Variants in SGSM1 observed in about 807,000 individuals in gnomAD.
SGSM1 encodes the protein small G protein signaling modulator 1, also known as RUN and TBC1 domain containing 2.
In SGSM1, 73 loss-of-function variants were observed where a neutral mutation model predicts 133.8. The observed-to-expected ratio is 0.55, with a 90% confidence interval of 0.45 to 0.66. SGSM1 has a LOEUF of 0.66. SGSM1 is among the 30% of genes least tolerant of loss of function. The pLI, the probability that SGSM1 is intolerant of heterozygous loss-of-function variation, is 0.00. For missense variants in SGSM1, 1,213 were observed against 1,448.1 expected, an observed-to-expected ratio of 0.84 and a Z score of 2.64; for synonymous variants, 563 against 573.0, an observed-to-expected ratio of 0.98 and a Z score of 0.25.
At chr22:24,870,880 C>G (rs1295458757) in intron 12 of SGSM1, among the ~76,000 whole-genome samples, 1 of 152,182 alleles carries the variant, frequency 6.6e-6, no homozygotes, top group Non-Finnish European at 1.5e-5. Flanking sequence ...GCACAGTTAC[C>G]TCTATTGGTA....
chr22:24,911,289 CTT>C (rs139761), intron 21 of SGSM1, among the ~76,000 whole-genome samples: 2,079 of 128,506 alleles, frequency 0.016, 41 homozygotes, highest in African/African-American at 0.055. Context: ...TAATTCCCCA[CTT>C]TTTTTTTTTT....
intron 21 of SGSM1, among the ~76,000 whole-genome samples, chr22:24,911,478 G>A (rs972845739): frequency 6.6e-6 from 1 of 151,772 alleles, no homozygotes; most frequent in African/African-American, 2.4e-5. Context: ...CTTTAGACAC[G>A]GACTGCACAT....
rs746749224 is a variant in SGSM1, at chr22:24,879,456, C to T, written c.1431-6C>T. 5 of 1,613,606 alleles carry T rather than the reference C, an allele frequency of 3.1e-6. No individual in the cohort carries two copies. The South Asian group carries it at 5.5e-5, about 18-fold the overall frequency. ...TCTAAGCATCTCCCTCTTTCTCCAC[C>T]TGCAGGGCTCCCCTGAAACTTCTCT... On this transcript the variant is annotated splice_region_variant and splice_polypyrimidine_tract_variant and intron_variant, in intron 13 of 24. Coordinates refer to ENST00000400358, the MANE Select transcript of SGSM1 (RefSeq NM_001098497.3).
chr22:24,876,811 C>T (rs1452564752), intron 13 of SGSM1, 96 bp downstream of exon 13: 3 of 1,513,216 alleles, frequency 2.0e-6, no homozygotes, highest in African/African-American at 2.7e-5. Context: ...TCAGAGTGAG[C>T]ATAACCTGCG....
At chr22:24,849,451 G>C (rs1930329518) in intron 4 of SGSM1, among the ~76,000 whole-genome samples, 1 of 152,172 alleles carries the variant, frequency 6.6e-6, no homozygotes, top group African/African-American at 2.4e-5. Flanking sequence ...TACTTGGGAG[G>C]CTGAGGCAGG....
At chr22:24,856,329 G>A (rs534605960) in intron 8 of SGSM1, among the ~76,000 whole-genome samples, 4 of 152,156 alleles carry the variant, frequency 2.6e-5, no homozygotes, top group East Asian at 1.9e-4. Context: ...CTGTTATTGC[G>A]GGCCTCAGTA....
At chr22:24,909,324 T>C (rs574758846) in intron 21 of SGSM1, among the ~76,000 whole-genome samples, 1 of 152,262 alleles carries the variant, frequency 6.6e-6, no homozygotes, top group South Asian at 2.1e-4. Context: ...TACCACTTCA[T>C]ATACACTGGG....
At chr22:24,806,629 C>G (rs1309700327) in intron 2 of SGSM1, 145 bp downstream of exon 2, 2 of 999,622 alleles carry the variant, frequency 2.0e-6, no homozygotes, top group Non-Finnish European at 1.4e-6. Flanking sequence ...CATTGACCTC[C>G]CGCAGGGCAG....
intron 2 of SGSM1, among the ~76,000 whole-genome samples, chr22:24,817,351 C>CTTTT (rs61046307): frequency 1.3e-5 from 2 of 149,222 alleles, no homozygotes; most frequent in Non-Finnish European, 1.5e-5. Context: ...AGATCCTCAG[C>CTTTT]TTTTTTTTTC....
intron 14 of SGSM1, among the ~76,000 whole-genome samples, chr22:24,882,317 A>G (rs1317247709): frequency 1.3e-5 from 2 of 151,982 alleles, no homozygotes; most frequent in Non-Finnish European, 2.9e-5. Flanking sequence ...AGATCTGCCC[A>G]CCTAGGCTTC....
At position 24,876,722 on chromosome 22, in the gene SGSM1, G is replaced by A. The variant is rs1932046218; in HGVS notation, c.1430+7G>A. The A allele has an allele frequency of 6.2e-7, 1 of 1,613,956 alleles. No individual in the cohort carries two copies. Among genetic ancestry groups the A allele is most frequent in the Non-Finnish European group, 8.5e-7 (1 of 1,179,882 alleles). On this transcript the variant is annotated splice_region_variant and intron_variant, in intron 13 of 24. Transcript: ENST00000400358. The stretch of plus-strand genomic sequence containing the variant: ...ATGGCTGCAACCATGAGAGGTATGA[G>A]GGGCTTGAGCTGCAGATGGAGAGAG...
intron 8 of SGSM1, 28 bp from the exon 9 acceptor site, chr22:24,859,688 C>A (rs1931012762): frequency 6.2e-7 from 1 of 1,612,982 alleles, no homozygotes; most frequent in Non-Finnish European, 8.5e-7. Flanking sequence ...AGCACCATGG[C>A]CAGACCTGAG....
intron 21 of SGSM1, among the ~76,000 whole-genome samples, chr22:24,906,628 A>G (rs897603036): frequency 6.6e-6 from 1 of 152,202 alleles, no homozygotes; most frequent in Non-Finnish European, 1.5e-5. Flanking sequence ...TATTTGCAAT[A>G]GCATCTAGAA....
intron 24 of SGSM1, among the ~76,000 whole-genome samples, chr22:24,922,408 T>A (rs1195238527): frequency 2.7e-5 from 4 of 146,736 alleles, no homozygotes; most frequent in Admixed American, 6.8e-5. Context: ...TCTCGATCTC[T>A]TGACCTCGTG....
At chr22:24,860,983 C>A (rs1931119395) in intron 9 of SGSM1, among the ~76,000 whole-genome samples, 1 of 132,774 alleles carries the variant, frequency 7.5e-6, no homozygotes, top group African/African-American at 2.9e-5. Flanking sequence ...GATATGATTT[C>A]ATCTGTAAAT....
chr22:24,869,272 C>T (rs1022849996), intron 12 of SGSM1, among the ~76,000 whole-genome samples: 1 of 152,180 alleles, frequency 6.6e-6, no homozygotes, highest in South Asian at 2.1e-4. Context: ...TTTGAGAGGC[C>T]GAAATTTGGG....
At chr22:24,860,912 A>AT (rs1356480013) in intron 9 of SGSM1, among the ~76,000 whole-genome samples, 98 of 97,656 alleles carry the variant, frequency 1.0e-3, no homozygotes, top group South Asian at 5.2e-3. Flanking sequence ...AAAAAAAAAA[A>AT]AAAAAAAAAA....
At chr22:24,850,471 C>A (rs1930392366) in intron 5 of SGSM1, 39 bp downstream of exon 5, 1 of 1,598,298 alleles carries the variant, frequency 6.3e-7, no homozygotes, top group African/African-American at 1.3e-5. Context: ...ATGCTCTGCC[C>A]CCACCTGCCG....
At chr22:24,923,849 C>T (rs529407783) in intron 24 of SGSM1, among the ~76,000 whole-genome samples, 1 of 152,082 alleles carries the variant, frequency 6.6e-6, no homozygotes, top group Non-Finnish European at 1.5e-5. Context: ...CTCAAACTCC[C>T]GACCTCAGGT....
Sources: gnomAD v4.1 joint callset for allele counts (sites outside exome capture counted in the v4.1 genomes callset) on GRCh38, gnomAD v4.1.1 for gene constraint, MANE v1.5 for transcripts, NCBI Gene and HGNC (gene_info 2026-07-23, HGNC 2026-07-21) for gene names.